The following SLC23A2 variants were observed in gnomAD, a reference collection of about 807,000 sequenced individuals.
SLC23A2 encodes solute carrier family 23 member 2.
SLC23A2 carries 36 observed loss-of-function variants against 73.3 expected under a neutral mutation model. That is an observed-to-expected ratio of 0.49 (90% CI 0.38 to 0.65). SLC23A2 has a LOEUF of 0.65. SLC23A2 is among the 30% of genes least tolerant of loss of function. The pLI is 0.00. For missense variants in SLC23A2, 507 were observed against 841.6 expected (o/e 0.60, Z 4.92); for synonymous variants, 343 against 327.3 (o/e 1.05, Z -0.52).
At position 4,998,147 on chromosome 20, in the gene SLC23A2, G is replaced by C. The variant is rs551348641; in HGVS notation, c.-282+3259C>G. On this transcript the variant is annotated intron_variant, in intron 1 of 16. Transcript: ENST00000338244. The surrounding 1 kb of genome is among the most constrained non-coding windows in gnomAD (Gnocchi z 4.1). ...AGCAGACTCATATACCTTCCTCCCT[G>C]TCTACCCTTCCAAAAATATCAACTC... Among the ~76,000 whole-genome samples, 1 of 152,136 alleles carries C rather than the reference G, an allele frequency of 6.6e-6. No homozygotes were observed. Among genetic ancestry groups the C allele is most frequent in the South Asian group, 2.1e-4 (1 of 4,812 alleles).
At chr20:4,884,163 G>A (rs959916556) in intron 8 of SLC23A2, among the ~76,000 whole-genome samples, 1 of 152,172 alleles carries the variant, frequency 6.6e-6, no homozygotes, top group African/African-American at 2.4e-5. Context: ...GCAGCATAAA[G>A]ACTCTCAGCT....
chr20:4,991,508 G>A (rs139611437), intron 1 of SLC23A2, among the ~76,000 whole-genome samples: 1 of 152,048 alleles, frequency 6.6e-6, no homozygotes, highest in African/African-American at 2.4e-5. Flanking sequence ...TGGATCACAA[G>A]GTCAGCAGTT....
chr20:4,880,525 AC>A (rs1458389407), intron 9 of SLC23A2, among the ~76,000 whole-genome samples: 5 of 152,204 alleles, frequency 3.3e-5, no homozygotes, highest in Non-Finnish European at 7.3e-5. Flanking sequence ...CTGAAAAAAC[AC>A]CAGAGCATAA....
intron 1 of SLC23A2, among the ~76,000 whole-genome samples, chr20:4,983,598 A>G (rs1228560481): frequency 1.3e-5 from 2 of 148,506 alleles, no homozygotes; most frequent in Non-Finnish European, 3.0e-5. Context: ...GTGAGCCGAG[A>G]CCGCGCCACT....
At position 4,961,163 on chromosome 20, in the gene SLC23A2, G is replaced by A. The variant is rs181745653; in HGVS notation, c.-155+9630C>T. Among the ~76,000 whole-genome samples, 713 of 148,832 alleles carry A rather than the reference G, an allele frequency of 4.8e-3. 3 individuals carry two copies. Among genetic ancestry groups the A allele is most frequent in the Middle Eastern group, 0.041 (12 of 292 alleles). The stretch of plus-strand genomic sequence containing the variant: ...CGCTCTGTCGCCCAGGCTGGAGTGC[G>A]GCGGCACGATCTTGGCTCACTGCAA... On this transcript the variant is annotated intron_variant, in intron 2 of 16. Transcript: ENST00000338244.
At chr20:4,966,470 C>G (rs1219067725) in intron 2 of SLC23A2, among the ~76,000 whole-genome samples, 1 of 152,078 alleles carries the variant, frequency 6.6e-6, no homozygotes, top group Non-Finnish European at 1.5e-5. Flanking sequence ...GTTGGTCCAA[C>G]TGGTATGTGC....
chr20:4,862,186 C>T lies in SLC23A2; in HGVS notation c.1487-101G>A, dbSNP rs543511212. 7.3e-5 allele frequency: 90 copies of T among 1,225,454 alleles called. No individual in the cohort carries two copies. The African/African-American group carries it at 1.3e-3, about 17-fold the overall frequency. 75.9% of individuals were successfully genotyped at this position (1,225,454 alleles called of 1,614,324 possible). A position where few individuals can be genotyped will look rare whatever the true frequency, so the allele number is the denominator to read the frequency against. On this transcript the variant is annotated intron_variant, in intron 14 of 16. Coordinates refer to ENST00000338244, the MANE Select transcript of SLC23A2 (RefSeq NM_005116.6). The surrounding 1 kb of genome is among the most constrained non-coding windows in gnomAD (Gnocchi z 5.1). Reference sequence around the variant, plus strand: ...TCCCTGGCACCCCTTCTCTGTCCAACAGAAACCAATGAGACCAGTGCAGGG... The same window carrying T: ...TCCCTGGCACCCCTTCTCTGTCCAATAGAAACCAATGAGACCAGTGCAGGG...
In SLC23A2 at chr20:4,872,590, C is replaced by G. The variant is rs926668987; in HGVS notation, c.1102+1346G>C. On this transcript the variant is annotated intron_variant, in intron 11 of 16. Coordinates refer to ENST00000338244, the MANE Select transcript of SLC23A2 (RefSeq NM_005116.6). The surrounding 1 kb of genome is among the most constrained non-coding windows in gnomAD (Gnocchi z 4.4). Reference sequence around the variant, plus strand: ...GTGGGGGCTTCTACCTACCTGCCACCCCCGCCTCGCCCTCACCCTGACTGC... The same window carrying G: ...GTGGGGGCTTCTACCTACCTGCCACGCCCGCCTCGCCCTCACCCTGACTGC... Among the ~76,000 whole-genome samples the G allele has an allele frequency of 5.3e-5, 8 of 152,138 alleles. No homozygotes were observed. Among genetic ancestry groups the G allele is most frequent in the African/African-American group, 1.9e-4 (8 of 41,430 alleles).
At chr20:4,885,776 G>A (rs1931073530) in intron 7 of SLC23A2, 45 bp downstream of exon 7, 1 of 1,355,488 alleles carries the variant, frequency 7.4e-7, no homozygotes, top group African/African-American at 1.4e-5. Context: ...CTTTACACCT[G>A]CATTAAAGGA....
chr20:4,970,545 T>C (rs1222379744), intron 2 of SLC23A2, among the ~76,000 whole-genome samples: 1 of 151,926 alleles, frequency 6.6e-6, no homozygotes, highest in Non-Finnish European at 1.5e-5. Flanking sequence ...CCAGCCTAGA[T>C]AATATAGTGA....
intron 2 of SLC23A2, among the ~76,000 whole-genome samples, chr20:4,956,309 T>G (rs2087286970): frequency 6.6e-6 from 1 of 152,180 alleles, no homozygotes; most frequent in East Asian, 1.9e-4. Context: ...AGATTCAAGA[T>G]TATCAGCTAG....
intron 1 of SLC23A2, among the ~76,000 whole-genome samples, chr20:4,977,740 T>C (rs2087666851): frequency 1.3e-5 from 2 of 151,598 alleles, no homozygotes; most frequent in Admixed American, 1.3e-4. Context: ...GATCTCATTA[T>C]GCTGCTCAGG....
chr20:4,864,132 G>C (rs1164468988), intron 13 of SLC23A2, among the ~76,000 whole-genome samples: 1 of 152,214 alleles, frequency 6.6e-6, no homozygotes, highest in Non-Finnish European at 1.5e-5. Flanking sequence ...ATGTAAACTG[G>C]GTAAAGGAGG....
intron 9 of SLC23A2, among the ~76,000 whole-genome samples, chr20:4,875,382 CG>C (rs72552233): frequency 0.011 from 1,655 of 152,280 alleles, 35 homozygotes; most frequent in African/African-American, 0.038. Flanking sequence ...CTCAACCTTA[CG>C]GGGTGGCTTC....
chr20:4,852,467 A>G lies in SLC23A2; in HGVS notation c.*4505T>C, dbSNP rs1396564771. The G allele has an allele frequency of 6.5e-6, 1 of 152,672 alleles. No homozygotes were observed. Among genetic ancestry groups the G allele is most frequent in the Non-Finnish European group, 1.5e-5 (1 of 68,052 alleles). 9.5% of individuals were successfully genotyped at this position (152,672 alleles called of 1,614,324 possible). A position where few individuals can be genotyped will look rare whatever the true frequency, so the allele number is the denominator to read the frequency against. ...TCTGGTCCAAATATTACATATTTTT[A>G]AAATACTTAAACGTTTAATGAAGCC... On this transcript the variant is annotated 3_prime_UTR_variant, in exon 17 of 17. Transcript: ENST00000338244. The surrounding 1 kb of genome is among the most constrained non-coding windows in gnomAD (Gnocchi z 4.3).
intron 1 of SLC23A2, among the ~76,000 whole-genome samples, chr20:4,978,239 C>T (rs1407640133): frequency 6.6e-6 from 1 of 152,152 alleles, no homozygotes; most frequent in Non-Finnish European, 1.5e-5. Context: ...GCTAATAAGT[C>T]AAGCTCAGTT....
intron 4 of SLC23A2, among the ~76,000 whole-genome samples, chr20:4,907,773 A>T (rs996295952): frequency 6.6e-6 from 1 of 152,148 alleles, no homozygotes; most frequent in African/African-American, 2.4e-5. Flanking sequence ...AATAAAGGAC[A>T]TGTTAACAAA....
intron 15 of SLC23A2, among the ~76,000 whole-genome samples, 186 bp downstream of exon 15, chr20:4,861,762 C>T (rs1004094052): frequency 3.9e-5 from 6 of 152,136 alleles, no homozygotes; most frequent in Admixed American, 2.0e-4. Context: ...TATGTGTACA[C>T]GCCAGCAGGA....
intron 1 of SLC23A2, among the ~76,000 whole-genome samples, chr20:4,985,762 T>C (rs898893147): frequency 5.3e-5 from 8 of 152,148 alleles, no homozygotes; most frequent in Non-Finnish European, 2.9e-5. Context: ...CCACATATTG[T>C]ATGATACCAT....
Sources: gnomAD v4.1 joint callset for allele counts (sites outside exome capture counted in the v4.1 genomes callset) on GRCh38, gnomAD v4.1.1 for gene constraint, Gnocchi (gnomAD v3.1) non-coding constraint, MANE v1.5 for transcripts, NCBI Gene and HGNC (gene_info 2026-07-23, HGNC 2026-07-21) for gene names.